Variants in GRID2 observed in about 807,000 individuals in gnomAD.
GRID2 encodes glutamate receptor ionotropic, delta-2.
Under a neutral mutation model 114.8 loss-of-function variants are expected in GRID2, and 33 were observed. That is an observed-to-expected ratio of 0.29 (90% CI 0.22 to 0.38). GRID2 has a LOEUF of 0.38. Among genes scored for constraint, GRID2 ranks in the 10% least tolerant of loss-of-function variants. The pLI, the probability that GRID2 is intolerant of heterozygous loss-of-function variation, is 1.00. For missense variants in GRID2, 1,184 were observed against 1,257.7 expected (o/e 0.94, Z 0.89); for synonymous variants, 505 against 449.9 (o/e 1.12, Z -1.55).
At chr4:92,869,188 C>G (rs755824530) in intron 2 of GRID2, among the ~76,000 whole-genome samples, 118 of 152,252 alleles carry the variant, frequency 7.8e-4, no homozygotes, top group East Asian at 3.9e-4. Flanking sequence ...ACAGTAATTA[C>G]AGCTTACTGG....
intron 2 of GRID2, among the ~76,000 whole-genome samples, chr4:92,708,675 G>T (rs943647055): frequency 3.3e-5 from 5 of 152,048 alleles, no homozygotes; most frequent in Non-Finnish European, 7.4e-5. Context: ...TTGAATACTT[G>T]GAATAATCCC....
At chr4:93,121,628 G>A (rs930018155) in intron 4 of GRID2, among the ~76,000 whole-genome samples, 1 of 152,096 alleles carries the variant, frequency 6.6e-6, no homozygotes, top group Non-Finnish European at 1.5e-5. Context: ...GGATATGTCT[G>A]TAGTTTTGTT....
intron 2 of GRID2, among the ~76,000 whole-genome samples, chr4:92,893,338 C>T (rs530484460): frequency 3.9e-5 from 6 of 152,254 alleles, no homozygotes; most frequent in African/African-American, 1.4e-4. Flanking sequence ...TTGTTCGTTC[C>T]TTCAGAACTC....
intron 8 of GRID2, among the ~76,000 whole-genome samples, chr4:93,263,024 A>C (rs969556438): frequency 6.6e-6 from 1 of 152,006 alleles, no homozygotes; most frequent in East Asian, 1.9e-4. Flanking sequence ...TGATAACTAT[A>C]GGAAAAAAAT....
Position 92,304,688 on chromosome 4 carries a change from C to G in GRID2, c.32C>G (p.Ser11Cys). The part of the protein sequence containing the change: MEVFPFLLVL[S>C]VWWSRTWDSA... The stretch of plus-strand genomic sequence containing the variant: ...GTTTTCCCCTTTCTCTTGGTTTTGT[C>G]CGTCTGGTGGTCTCGAACCTGGGAC... Residue 11 changes from serine to cysteine, a missense_variant, in exon 1 of 16, where the codon TCC becomes TGC. By Grantham distance (112) the Ser-to-Cys change is moderately radical. This residue lies in a region of GRID2 where 455 missense variants were observed against 429.5 expected (regional missense o/e 1.06). Coordinates refer to ENST00000282020, the MANE Select transcript of GRID2 (RefSeq NM_001510.4). The G allele has an allele frequency of 6.2e-7, 1 of 1,613,394 alleles. No individual in the cohort carries two copies. The highest frequency in any genetic ancestry group is 8.5e-7 in the Non-Finnish European group (1 of 1,179,442).
intron 2 of GRID2, among the ~76,000 whole-genome samples, chr4:92,989,649 T>C (rs1437769239): frequency 6.6e-6 from 1 of 152,184 alleles, no homozygotes; most frequent in African/African-American, 2.4e-5. Context: ...ACAGAGCTAA[T>C]TTTAATAAAA....
intron 13 of GRID2, among the ~76,000 whole-genome samples, chr4:93,597,416 A>G (rs1371470642): frequency 6.6e-6 from 1 of 152,192 alleles, no homozygotes; most frequent in Non-Finnish European, 1.5e-5. Flanking sequence ...GTTCACAGGG[A>G]AACAGAATGC....
At position 92,961,761 on chromosome 4, in the gene GRID2, CT is replaced by C. The variant is rs150585864; in HGVS notation, c.245-123225del. 4.0e-5 allele frequency among the ~76,000 whole-genome samples: 6 copies of C among 148,784 alleles called. No individual in the cohort carries two copies. In the East Asian group the frequency reaches 7.9e-4, roughly 20 times the overall value. On this transcript the variant is annotated intron_variant, in intron 2 of 15. Transcript: ENST00000282020. ...CGTGGGTGATTCAAATATTTCTTCT[CT>C]TTTTTTTTAATTCTTCTTCTGATAG...
At chr4:93,735,417 T>C (rs910371111) in intron 14 of GRID2, among the ~76,000 whole-genome samples, 2 of 152,042 alleles carry the variant, frequency 1.3e-5, no homozygotes, top group Admixed American at 1.3e-4. Context: ...CATGTAATTT[T>C]ATTTTTTTCT....
chr4:93,284,704 A>T lies in GRID2; in HGVS notation c.1245+46214A>T, dbSNP rs188305175. The stretch of plus-strand genomic sequence containing the variant: ...TATACCAAATTTTAAATATATAATT[A>T]TATGGTGACAGAATGTATACATTAT... On this transcript the variant is annotated intron_variant, in intron 8 of 15. Transcript: ENST00000282020. 1.6e-4 allele frequency among the ~76,000 whole-genome samples: 25 copies of T among 152,000 alleles called. No homozygotes were observed. The East Asian group carries it at 4.8e-3, about 29-fold the overall frequency.
chr4:93,567,800 T>A (rs1446238509), intron 13 of GRID2, among the ~76,000 whole-genome samples: 1 of 152,148 alleles, frequency 6.6e-6, no homozygotes, highest in East Asian at 1.9e-4. Flanking sequence ...CTCCCAGCCT[T>A]GTTGATGGAT....
intron 2 of GRID2, among the ~76,000 whole-genome samples, chr4:92,917,809 C>T (rs1022703360): frequency 6.6e-6 from 1 of 152,092 alleles, no homozygotes; most frequent in East Asian, 1.9e-4. Flanking sequence ...GTTCTTTTGG[C>T]TTAGGATTGA....
chr4:93,491,840 A>G (rs1727037868), intron 12 of GRID2, among the ~76,000 whole-genome samples: 1 of 152,062 alleles, frequency 6.6e-6, no homozygotes, highest in Admixed American at 6.6e-5. Context: ...CTATAAATAA[A>G]TAGGGTATTA....
At chr4:92,664,299 C>A (rs1439617800) in intron 2 of GRID2, among the ~76,000 whole-genome samples, 1 of 150,914 alleles carries the variant, frequency 6.6e-6, no homozygotes, top group Non-Finnish European at 1.5e-5. Flanking sequence ...TCTTTTGATT[C>A]TATTTTCTAG....
chr4:93,739,509 C>T (rs1026886511), intron 14 of GRID2, among the ~76,000 whole-genome samples: 2 of 152,010 alleles, frequency 1.3e-5, no homozygotes, highest in Non-Finnish European at 2.9e-5. Flanking sequence ...GGAGAAAAAA[C>T]ATGGGATTAT....
At chr4:92,709,463 A>T (rs972021267) in intron 2 of GRID2, among the ~76,000 whole-genome samples, 22 of 151,650 alleles carry the variant, frequency 1.5e-4, no homozygotes, top group African/African-American at 5.1e-4. Flanking sequence ...GCAATTTTTC[A>T]AATGATCTAC....
At chr4:93,066,451 A>G (rs1728303594) in intron 2 of GRID2, among the ~76,000 whole-genome samples, 1 of 151,932 alleles carries the variant, frequency 6.6e-6, no homozygotes, top group African/African-American at 2.4e-5. Context: ...CTACTTTTCC[A>G]TGCTATTTAT....
intron 1 of GRID2, among the ~76,000 whole-genome samples, chr4:92,484,264 A>G (rs1242319299): frequency 2.6e-5 from 4 of 152,328 alleles, no homozygotes; most frequent in Admixed American, 2.0e-4. Flanking sequence ...GATCACTGCT[A>G]CAGGCAAGGC....
chr4:92,576,230 T>A (rs1359719730), intron 1 of GRID2, among the ~76,000 whole-genome samples: 1 of 152,162 alleles, frequency 6.6e-6, no homozygotes, highest in East Asian at 1.9e-4. Context: ...ATGGAAGCAC[T>A]CCAGCCATGT....
Sources: allele counts gnomAD v4.1 joint callset (sites outside exome capture counted in the v4.1 genomes callset), GRCh38; gene constraint gnomAD v4.1.1; regional missense constraint gnomAD v4.1.1; transcripts MANE v1.5; gene names NCBI Gene and HGNC (gene_info 2026-07-23, HGNC 2026-07-21).